RBMS3: variants seen among roughly 807,000 people sequenced by gnomAD.
RBMS3 encodes the protein RNA binding motif single stranded interacting protein 3.
RBMS3 carries 27 observed loss-of-function variants against 66.8 expected under a neutral mutation model. The observed-to-expected ratio is 0.40, with a 90% confidence interval of 0.30 to 0.56. The LOEUF (loss-of-function observed/expected upper bound fraction) is 0.56, where lower values mean the gene tolerates loss of function less well. RBMS3 is among the 20% of genes least tolerant of loss of function. RBMS3 has a pLI of 0.40. For missense variants in RBMS3, 513 were observed against 549.5 expected, an observed-to-expected ratio of 0.93 and a Z score of 0.66; for synonymous variants, 188 against 183.0, an observed-to-expected ratio of 1.03 and a Z score of -0.22.
chr3:29,431,292 T>C (rs1322489188), intron 1 of RBMS3, among the ~76,000 whole-genome samples: 1 of 114,308 alleles, frequency 8.7e-6, no homozygotes, highest in East Asian at 3.1e-4. Context: ...TTTCTTTCTT[T>C]TTCCTTTTCT....
chr3:29,478,392 A>C (rs1354730914), intron 2 of RBMS3, among the ~76,000 whole-genome samples: 1 of 152,164 alleles, frequency 6.6e-6, no homozygotes, highest in African/African-American at 2.4e-5. Context: ...CTTTGTCCTC[A>C]CATGATGGAA....
chr3:29,858,703 C>T (rs951064645), intron 6 of RBMS3, among the ~76,000 whole-genome samples: 1 of 152,218 alleles, frequency 6.6e-6, no homozygotes, highest in African/African-American at 2.4e-5. Flanking sequence ...TAACTTTTTC[C>T]ACTTGAAACA....
At chr3:29,951,896 T>C (rs1004229577) in intron 12 of RBMS3, among the ~76,000 whole-genome samples, 8 of 151,734 alleles carry the variant, frequency 5.3e-5, no homozygotes. Context: ...CATTATGATT[T>C]TGAGGCCTAA....
intron 4 of RBMS3, among the ~76,000 whole-genome samples, chr3:29,645,853 C>G (rs1374085240): frequency 6.6e-6 from 1 of 152,144 alleles, no homozygotes; most frequent in Non-Finnish European, 1.5e-5. Flanking sequence ...AGGTGAATTA[C>G]CACTGGGTCA....
At chr3:29,468,718 TTC>T (rs1379510176) in intron 2 of RBMS3, among the ~76,000 whole-genome samples, 1 of 152,178 alleles carries the variant, frequency 6.6e-6, no homozygotes, top group Non-Finnish European at 1.5e-5. Context: ...TTTTTCTTTT[TTC>T]TTTTTGTTTT....
chr3:29,488,087 A>G (rs543713508), intron 2 of RBMS3, among the ~76,000 whole-genome samples: 1 of 152,362 alleles, frequency 6.6e-6, no homozygotes, highest in South Asian at 2.1e-4. Flanking sequence ...GGTGAGAGTC[A>G]GAGCTGGATG....
At chr3:29,812,817 G>A (rs1224240655) in intron 6 of RBMS3, among the ~76,000 whole-genome samples, 1 of 152,044 alleles carries the variant, frequency 6.6e-6, no homozygotes, top group Non-Finnish European at 1.5e-5. Flanking sequence ...CCTACTTCAT[G>A]AATAAAGTTC....
chr3:29,433,271 A>G (rs2041276322), intron 1 of RBMS3, among the ~76,000 whole-genome samples: 1 of 152,170 alleles, frequency 6.6e-6, no homozygotes, highest in African/African-American at 2.4e-5. Context: ...CTGTTTGACA[A>G]AGACATACCT....
At chr3:29,821,804 C>T (rs1409237375) in intron 6 of RBMS3, among the ~76,000 whole-genome samples, 1 of 152,104 alleles carries the variant, frequency 6.6e-6, no homozygotes, top group East Asian at 1.9e-4. Flanking sequence ...AATATGTTTT[C>T]AGAATATCAT....
intron 12 of RBMS3, among the ~76,000 whole-genome samples, chr3:29,947,653 G>A (rs375038578): frequency 4.6e-5 from 7 of 151,344 alleles, no homozygotes; most frequent in African/African-American, 1.4e-4. Context: ...TCTCCTTTTA[G>A]TATTTCTTTT....
intron 10 of RBMS3, among the ~76,000 whole-genome samples, chr3:29,915,046 T>C (rs1306332730): frequency 6.6e-6 from 1 of 151,884 alleles, no homozygotes; most frequent in African/African-American, 2.4e-5. Context: ...ATTTATCTTG[T>C]TGTTTAGATA....
intron 1 of RBMS3, among the ~76,000 whole-genome samples, chr3:29,326,309 C>A (rs901255411): frequency 2.0e-5 from 3 of 152,154 alleles, no homozygotes; most frequent in Non-Finnish European, 2.9e-5. Flanking sequence ...TAAACCTGTT[C>A]TTTCCCCAAA....
intron 4 of RBMS3, among the ~76,000 whole-genome samples, chr3:29,697,852 T>G (rs9875155): frequency 0.12 from 18,499 of 152,194 alleles, 2,456 homozygotes; most frequent in African/African-American, 0.33. Context: ...GCTCAAAAAA[T>G]TTCTGATTTT....
At chr3:30,000,303 G>A (rs1412252547) in intron 14 of RBMS3, among the ~76,000 whole-genome samples, 2 of 152,154 alleles carry the variant, frequency 1.3e-5, no homozygotes, top group Non-Finnish European at 2.9e-5. Context: ...CATCACCACT[G>A]ATTATCAGAG....
chr3:29,312,335 T>C (rs1481257486), intron 1 of RBMS3, among the ~76,000 whole-genome samples: 1 of 151,796 alleles, frequency 6.6e-6, no homozygotes, highest in Non-Finnish European at 1.5e-5. Flanking sequence ...AATGTGCTTT[T>C]TGAAGAATAC....
intron 10 of RBMS3, among the ~76,000 whole-genome samples, chr3:29,918,554 G>A (rs987282572): frequency 1.3e-5 from 2 of 151,934 alleles, no homozygotes; most frequent in Non-Finnish European, 2.9e-5. Flanking sequence ...ATATGTCTGA[G>A]GTAAATATGC....
intron 6 of RBMS3, among the ~76,000 whole-genome samples, chr3:29,837,786 T>A (rs1370152555): frequency 6.7e-6 from 1 of 149,420 alleles, no homozygotes; most frequent in Non-Finnish European, 1.5e-5. Context: ...TCATGTGTTC[T>A]GGCTGCCTGA....
intron 10 of RBMS3, among the ~76,000 whole-genome samples, chr3:29,924,159 G>T (rs2060868096): frequency 6.6e-6 from 1 of 152,092 alleles, no homozygotes; most frequent in African/African-American, 2.4e-5. Flanking sequence ...ATTCCACTCT[G>T]CTCTGGTAAG....
chr3:29,730,944 G>A lies in RBMS3; in HGVS notation c.400-8776G>A, dbSNP rs1180416811. On this transcript the variant is annotated intron_variant, in intron 4 of 14. Transcript: ENST00000383767. ...GTGATACTGAGCTCAAGTTCATGAG[G>A]TGTATATGGAGGGAGAAATCAAGGA... The A allele has an allele frequency of 1.9e-5, 19 of 985,196 alleles. No homozygotes were observed. The African/African-American group carries it at 3.0e-4, about 15-fold the overall frequency. The allele number at this position is 985,196 out of a possible 1,614,324, so 61.0% of individuals were successfully genotyped here. A position where few individuals can be genotyped will look rare whatever the true frequency, so the allele number is the denominator to read the frequency against.
Sources: gnomAD v4.1 joint callset for allele counts (sites outside exome capture counted in the v4.1 genomes callset) on GRCh38, gnomAD v4.1.1 for gene constraint, MANE v1.5 for transcripts, NCBI Gene and HGNC (gene_info 2026-07-23, HGNC 2026-07-21) for gene names.